ARL17B: variants seen among roughly 807,000 people sequenced by gnomAD.
ARL17B encodes ARF like GTPase 17B.
chr17:46,340,207 T>G (rs1478701796), intron 3 of ARL17B, among the ~76,000 whole-genome samples: 3 of 83,304 alleles, frequency 3.6e-5, no homozygotes, highest in African/African-American at 9.9e-5. Flanking sequence ...GTTTTGTTTG[T>G]TTTTTTTTCT....
intron 4 of ARL17B, among the ~76,000 whole-genome samples, chr17:46,288,436 G>T (rs2049977994): frequency 6.6e-6 from 1 of 150,424 alleles, no homozygotes; most frequent in Non-Finnish European, 1.5e-5. Flanking sequence ...AGCTTCCCAA[G>T]TAGCTGGGAT....
chr17:46,327,071 C>T lies in ARL17B; in HGVS notation c.259+25749G>A, dbSNP rs1412055609. ...ACATGCCTCTACTTTCTTTGATCTTCCATGACATTGGCATTTTTTAAGAGT... is the reference window on the plus strand; with the variant it reads ...ACATGCCTCTACTTTCTTTGATCTTTCATGACATTGGCATTTTTTAAGAGT... On this transcript the variant is annotated intron_variant, in intron 3 of 4. Transcript: ENST00000434041. Among the ~76,000 whole-genome samples the T allele has an allele frequency of 2.3e-4, 20 of 86,452 alleles. 9 individuals are homozygous for T. The highest frequency in any genetic ancestry group is 1.7e-3 in the Admixed American group (15 of 8,618). The allele number at this position is 86,452 out of a possible 152,430, so 56.7% of individuals were successfully genotyped here.
Position 46,284,788 on chromosome 17 carries a change from C to T in ARL17B, c.*22-9370G>A, listed in dbSNP as rs960562286. Among the ~76,000 whole-genome samples the T allele has an allele frequency of 9.9e-5, 15 of 152,186 alleles. 1 individual carries two copies. The South Asian group carries it at 1.0e-3, about 10-fold the overall frequency. ...AACATTCAACCACACATTGAGACTA[C>T]GATTCCCTTTTTAGTTTCTTCAATT... On this transcript the variant is annotated intron_variant, in intron 4 of 4. Transcript: ENST00000570618.
intron 4 of ARL17B, among the ~76,000 whole-genome samples, chr17:46,282,417 GTTTT>G (rs34484022): frequency 2.8e-5 from 4 of 144,410 alleles, no homozygotes; most frequent in African/African-American, 1.0e-4. Context: ...TTTTTTGTTT[GTTTT>G]TTTTTTTTAA....
chr17:46,290,180 A>G (rs1821238898), intron 4 of ARL17B, among the ~76,000 whole-genome samples: 1 of 152,256 alleles, frequency 6.6e-6, no homozygotes, highest in Non-Finnish European at 1.5e-5. Context: ...CCCCGGCTAG[A>G]GTACAGTGGT....
chr17:46,317,041 T>C lies in ARL17B; in HGVS notation c.260-17376A>G, dbSNP rs1208514049. 6.6e-5 allele frequency among the ~76,000 whole-genome samples: 6 copies of C among 91,488 alleles called. 1 individual carries two copies. Among genetic ancestry groups the C allele is most frequent in the African/African-American group, 1.9e-4 (6 of 31,770 alleles). 60.0% of individuals were successfully genotyped at this position (91,488 alleles called of 152,430 possible). On this transcript the variant is annotated intron_variant, in intron 3 of 4. Coordinates refer to the ARL17B transcript ENST00000434041. ...TACACAGACACAGCAACAATCTGATTTCTGTATCTTTTCCCCACATTTCCC... is the reference window on the plus strand; with the variant it reads ...TACACAGACACAGCAACAATCTGATCTCTGTATCTTTTCCCCACATTTCCC...
intron 3 of ARL17B, among the ~76,000 whole-genome samples, chr17:46,325,739 T>C (rs1170713275): frequency 1.3e-5 from 1 of 79,152 alleles, no homozygotes; most frequent in African/African-American, 3.2e-5. Context: ...GGCTGCACAC[T>C]GAAGTCTTCA....
At chr17:46,279,316 G>A (rs2732696) in intron 4 of ARL17B, among the ~76,000 whole-genome samples, 18,188 of 147,482 alleles carry the variant, frequency 0.12, 2 homozygotes, top group Non-Finnish European at 0.18. Flanking sequence ...CCCAAGTAGC[G>A]AGGATTACAG....
At chr17:46,332,814 T>C (rs2052061815), downstream of ARL17B, 2 of 361,938 alleles carry the variant, frequency 5.5e-6, no homozygotes, top group Non-Finnish European at 1.1e-5. Context: ...GTTCTTTTAT[T>C]GCAGTGTATA....
intron 3 of ARL17B, among the ~76,000 whole-genome samples, chr17:46,327,078 A>T (rs568252846): frequency 2.3e-5 from 2 of 86,592 alleles, no homozygotes; most frequent in South Asian, 4.7e-4. Flanking sequence ...CTTCCATGAC[A>T]TTGGCATTTT....
intron 4 of ARL17B, among the ~76,000 whole-genome samples, chr17:46,280,288 C>T (rs75067210): frequency 0.11 from 16,681 of 149,036 alleles, no homozygotes; most frequent in Non-Finnish European, 0.17. Flanking sequence ...CGCTTGAACG[C>T]GGGAAGCGGA....
chr17:46,286,205 T>A (rs1228454563), intron 4 of ARL17B, among the ~76,000 whole-genome samples: 1 of 152,278 alleles, frequency 6.6e-6, no homozygotes, highest in African/African-American at 2.4e-5. Context: ...GTTTTAGTAT[T>A]GTGGTTTTAA....
intron 4 of ARL17B, among the ~76,000 whole-genome samples, chr17:46,291,292 T>A (rs2050059824): frequency 6.6e-6 from 1 of 152,040 alleles, no homozygotes; most frequent in Non-Finnish European, 1.5e-5. Flanking sequence ...GAGAGTAAAA[T>A]ATAAAAAAGA....
intron 4 of ARL17B, among the ~76,000 whole-genome samples, chr17:46,291,895 A>G (rs1426998035): frequency 1.4e-5 from 2 of 144,544 alleles, no homozygotes; most frequent in African/African-American, 5.1e-5. Flanking sequence ...GGGTAGGGGG[A>G]GGCTGCGATG....
At chr17:46,286,041 A>G (rs138988914) in intron 4 of ARL17B, among the ~76,000 whole-genome samples, 3 of 152,362 alleles carry the variant, frequency 2.0e-5, no homozygotes, top group African/African-American at 7.2e-5. Context: ...CAAGATGCCA[A>G]TGCAGCACCC....
intron 4 of ARL17B, among the ~76,000 whole-genome samples, chr17:46,278,709 A>G (rs2049669469): frequency 6.6e-6 from 1 of 152,038 alleles, no homozygotes; most frequent in Admixed American, 6.6e-5. Flanking sequence ...GCTGAGTCCA[A>G]GTTTTATTTC....
At chr17:46,312,682 A>C (rs1272196606) in intron 3 of ARL17B, among the ~76,000 whole-genome samples, 2 of 77,388 alleles carry the variant, frequency 2.6e-5, no homozygotes, top group Non-Finnish European at 2.6e-5. Context: ...GACTTTGTAC[A>C]GAGCCCACCA....
chr17:46,286,202 T>C, intron 4 of ARL17B, among the ~76,000 whole-genome samples: 1 of 152,288 alleles, frequency 6.6e-6, no homozygotes, highest in Non-Finnish European at 1.5e-5. Flanking sequence ...ATAGTTTTAG[T>C]ATTGTGGTTT....
intron 4 of ARL17B, among the ~76,000 whole-genome samples, chr17:46,288,464 A>G (rs1373189104): frequency 1.3e-5 from 2 of 151,824 alleles, no homozygotes; most frequent in African/African-American, 4.8e-5. Context: ...GTGTGCCACC[A>G]CATCTGGCTA....
Sources: allele counts gnomAD v4.1 joint callset (sites outside exome capture counted in the v4.1 genomes callset), GRCh38; gene constraint gnomAD v4.1.1; transcripts MANE v1.5; gene names NCBI Gene and HGNC (gene_info 2026-07-23, HGNC 2026-07-21).